TTLL10: variants seen among roughly 807,000 people sequenced by gnomAD.
TTLL10 encodes the protein inactive polyglycylase TTLL10.
In TTLL10, 61 loss-of-function variants were observed where a neutral mutation model predicts 69.0. The observed-to-expected ratio is 0.88, with a 90% CI of 0.72 to 1.09. The LOEUF is 1.09. TTLL10 is among the 50% of genes least tolerant of loss of function. The pLI is 0.00. For synonymous variants in TTLL10, 408 were observed against 393.3 expected (o/e 1.04, Z -0.44); for missense variants, 962 against 945.9 (o/e 1.02, Z -0.22).
intron 14 of TTLL10, 103 bp from the exon 15 acceptor site, chr1:1,196,990 A>G (rs1648257510): frequency 1.8e-6 from 2 of 1,125,414 alleles, no homozygotes; most frequent in South Asian, 1.4e-5. Flanking sequence ...ATAGGAAGGA[A>G]GCAATCTCCC....
chr1:1,193,620 C>T (rs959450734), intron 13 of TTLL10, among the ~76,000 whole-genome samples: 1 of 151,810 alleles, frequency 6.6e-6, no homozygotes, highest in African/African-American at 2.4e-5. Context: ...CATGCCACCA[C>T]ACCCGGCTAA....
At chr1:1,177,473 G>A (rs559483897) in intron 3 of TTLL10, among the ~76,000 whole-genome samples, 10 of 152,278 alleles carry the variant, frequency 6.6e-5, no homozygotes, top group African/African-American at 1.2e-4. Context: ...CACCATGCCC[G>A]GCTAATTTTT....
chr1:1,176,302 C>T, intron 3 of TTLL10: 1 of 443,856 alleles, frequency 2.3e-6, no homozygotes, highest in Non-Finnish European at 4.5e-6. Context: ...CTGCTCCCAG[C>T]CGCTGTGCAG....
rs1261159916 is a variant in TTLL10 at position 1,192,732 on chromosome 1, G to A, written c.1402-3868G>A. The stretch of plus-strand genomic sequence containing the variant: ...AGACACTCCAGTTGATATCAGTGTA[G>A]ACACTCCAGTTGGTATGAGTGTAGA... On this transcript the variant is annotated intron_variant, in intron 13 of 15. Coordinates refer to ENST00000379289, the MANE Select transcript of TTLL10 (RefSeq NM_001130045.2). Among the ~76,000 whole-genome samples, 432 of 131,912 alleles carry A rather than the reference G, an allele frequency of 3.3e-3. 6 individuals are homozygous for A. Among genetic ancestry groups the A allele is most frequent in the East Asian group, 7.1e-3 (32 of 4,518 alleles). The allele number at this position is 131,912 out of a possible 152,430, so 86.5% of individuals were successfully genotyped here. A position where few individuals can be genotyped will look rare whatever the true frequency, so the allele number is the denominator to read the frequency against.
chr1:1,180,625 C>T lies in TTLL10; in HGVS notation c.625+24C>T, dbSNP rs112517367. 3.8e-3 allele frequency: 5,975 copies of T among 1,552,042 alleles called. 175 individuals are homozygous for T. The African/African-American group carries it at 0.071, about 19-fold the overall frequency. On this transcript the variant is annotated intron_variant, in intron 7 of 15. Transcript: ENST00000379289. ...AGGTAGCGGGAGCCGGCACCAGAGGCGGGCAGCCTGCAGGGGCCTCCTGGG... is the reference window on the plus strand; with the variant it reads ...AGGTAGCGGGAGCCGGCACCAGAGGTGGGCAGCCTGCAGGGGCCTCCTGGG...
intron 13 of TTLL10, among the ~76,000 whole-genome samples, chr1:1,191,933 C>T (rs987718179): frequency 2.6e-5 from 4 of 152,274 alleles, no homozygotes; most frequent in African/African-American, 7.2e-5. Context: ...CGCCTTTCAG[C>T]GGTTTTCCGC....
Position 1,185,897 on chromosome 1 carries a change from A to T in TTLL10, c.1401+788A>T. On this transcript the variant is annotated intron_variant, in intron 13 of 15. Coordinates refer to ENST00000379289, the MANE Select transcript of TTLL10 (RefSeq NM_001130045.2). The surrounding 1 kb of genome is among the most constrained non-coding windows in gnomAD (Gnocchi z 6.1). ...GTTCAGTGGCTTTTAGTATTTCAAAAGTTGTGCAATTATCACCACCAATTC... is the reference window on the plus strand; with the variant it reads ...GTTCAGTGGCTTTTAGTATTTCAAATGTTGTGCAATTATCACCACCAATTC... 1.1e-6 allele frequency: 1 copy of T among 936,534 alleles called. No individual in the cohort carries two copies. Among genetic ancestry groups the T allele is most frequent in the Non-Finnish European group, 1.3e-6 (1 of 785,244 alleles). 58.0% of individuals were successfully genotyped at this position (936,534 alleles called of 1,614,324 possible).
intron 13 of TTLL10, among the ~76,000 whole-genome samples, chr1:1,186,455 C>CTG (rs57346441): frequency 0.27 from 41,340 of 151,986 alleles, 6,654 homozygotes; most frequent in East Asian, 0.73. Flanking sequence ...CTGGTGGACA[C>CTG]AGTTTTATTA....
intron 3 of TTLL10, 120 bp from the exon 4 acceptor site, chr1:1,179,069 G>T: frequency 1.5e-6 from 1 of 651,198 alleles, no homozygotes; most frequent in Non-Finnish European, 2.6e-6. Context: ...TCAAGCCCAC[G>T]GCCCTGGGAG....
Position 1,180,723 on chromosome 1 carries a change from AC to A in TTLL10, c.626-6del, listed in dbSNP as rs753118731. 14 of 1,602,228 alleles carry A rather than the reference AC, an allele frequency of 8.7e-6. No individual in the cohort carries two copies. Among genetic ancestry groups the A allele is most frequent in the Non-Finnish European group, 1.2e-5 (14 of 1,175,134 alleles). Reference sequence around the variant, plus strand: ...CCCTCCACACGAGCCCTGGCCTCTGACCTCCAGGAGAGCAGCTGCTGTACCA... The same window carrying A: ...CCCTCCACACGAGCCCTGGCCTCTGACTCCAGGAGAGCAGCTGCTGTACCA... On this transcript the variant is annotated splice_polypyrimidine_tract_variant and splice_region_variant and intron_variant, in intron 7 of 15. Coordinates refer to ENST00000379289, the MANE Select transcript of TTLL10 (RefSeq NM_001130045.2).
At position 1,185,459 on chromosome 1, in the gene TTLL10, C is replaced by T. The variant is rs1647250441; in HGVS notation, c.1401+350C>T. On this transcript the variant is annotated intron_variant, in intron 13 of 15. Transcript: ENST00000379289. The surrounding 1 kb of genome is among the most constrained non-coding windows in gnomAD (Gnocchi z 6.1). ...TCCTCCACTTGGCAGGCAGGGCCAA[C>T]AGCAGCCCCCGGGCCAGGTGTCCTG... 9.2e-7 allele frequency: 1 copy of T among 1,092,318 alleles called. No individual in the cohort carries two copies. The highest frequency in any genetic ancestry group is 3.4e-5 in the South Asian group (1 of 29,520). 67.7% of individuals were successfully genotyped at this position (1,092,318 alleles called of 1,614,324 possible).
chr1:1,180,778 A>C lies in TTLL10; in HGVS notation c.673A>C (p.Lys225Gln). 1 of 1,608,312 alleles carries C rather than the reference A, an allele frequency of 6.2e-7. No individual in the cohort carries two copies. Among genetic ancestry groups the C allele is most frequent in the Non-Finnish European group, 8.5e-7 (1 of 1,177,862 alleles). ...QLPNNKLLTT[K>Q]IGLLSTLRGR... ...TCCCAACAACAAGCTCCTCACCACCAAGATCGGGCTGCTCAGCACCCTTCG... is the reference window on the plus strand; with the variant it reads ...TCCCAACAACAAGCTCCTCACCACCCAGATCGGGCTGCTCAGCACCCTTCG... Residue 225 changes from lysine (K) to glutamine (Q), a missense_variant, in exon 8 of 16, where the codon AAG (lysine) becomes CAG (glutamine). Physicochemically the swap from Lys to Gln is moderately conservative, Grantham distance 53. Coordinates refer to ENST00000379289, the MANE Select transcript of TTLL10 (RefSeq NM_001130045.2).
In TTLL10 at chr1:1,181,873, T is replaced by G; in HGVS notation, c.830+58T>G. The G allele has an allele frequency of 2.0e-6, 3 of 1,496,938 alleles. No individual in the cohort carries two copies. Among genetic ancestry groups the G allele is most frequent in the Admixed American group, 4.0e-5 (2 of 49,930 alleles). 92.7% of individuals were successfully genotyped at this position (1,496,938 alleles called of 1,614,324 possible). A position where few individuals can be genotyped will look rare whatever the true frequency, so the allele number is the denominator to read the frequency against. On this transcript the variant is annotated intron_variant, in intron 9 of 15. Coordinates refer to ENST00000379289, the MANE Select transcript of TTLL10 (RefSeq NM_001130045.2). This position sits in a 1 kb window ranked among gnomAD's most constrained non-coding sequence, Gnocchi z 4.6. ...GACCGAAGTTCAGACCTAAACCTGG[T>G]GTCGTCTGAAAAGGAGAAAGCGGGG...
rs982296226 is a variant in TTLL10, at chr1:1,174,029, A to C, written c.-131+103A>C. 2.6e-5 allele frequency: 4 copies of C among 152,206 alleles called. No homozygotes were observed. The East Asian group carries it at 5.8e-4, about 22-fold the overall frequency. 9.4% of individuals were successfully genotyped at this position (152,206 alleles called of 1,614,324 possible). A position where few individuals can be genotyped will look rare whatever the true frequency, so the allele number is the denominator to read the frequency against. On this transcript the variant is annotated intron_variant, in intron 1 of 15. Coordinates refer to ENST00000379289, the MANE Select transcript of TTLL10 (RefSeq NM_001130045.2). ...TCGGGAGGCTGCTCAGGAGAGGAGG[A>C]GGCTGGGGAGGGGACTGGACAGGGA...
rs1476440873 is a variant in TTLL10, at chr1:1,180,340, T to G, written c.506T>G (p.Ile169Ser). The G allele has an allele frequency of 1.2e-5, 19 of 1,564,956 alleles. No individual in the cohort carries two copies. Among genetic ancestry groups the G allele is most frequent in the Non-Finnish European group, 1.6e-5 (18 of 1,155,410 alleles). The change falls in exon 6 of 16, where the codon ATC (isoleucine) becomes AGC (serine). Residue 169 changes from isoleucine (I) to serine (S), a missense_variant and splice_region_variant. By Grantham distance (142) the Ile-to-Ser change is moderately radical. Coordinates refer to ENST00000379289, the MANE Select transcript of TTLL10 (RefSeq NM_001130045.2). ...FYIGGSNGATIISSYCKSKGW... is the reference protein window; with the variant it reads ...FYIGGSNGATSISSYCKSKGW... ...ATTGGAGGCAGCAACGGGGCCACAA[T>G]GTGAGTAGCGGCCCTGGGCGCCCGT...
rs1204529116 is a variant in TTLL10 at position 1,185,681 on chromosome 1, T to G, written c.1401+572T>G. 5.1e-6 allele frequency: 5 copies of G among 985,438 alleles called. No homozygotes were observed. Among genetic ancestry groups the G allele is most frequent in the Non-Finnish European group, 3.6e-6 (3 of 830,030 alleles). The allele number at this position is 985,438 out of a possible 1,614,324, so 61.0% of individuals were successfully genotyped here. The stretch of plus-strand genomic sequence containing the variant: ...GGGGCTTGGCCGAAGGACTTTTATC[T>G]GTCTTGGTCACCCCGGCCAGGCCCC... On this transcript the variant is annotated intron_variant, in intron 13 of 15. Transcript: ENST00000379289. The surrounding 1 kb of genome is among the most constrained non-coding windows in gnomAD (Gnocchi z 6.1).
chr1:1,177,607 G>A (rs948473860), intron 3 of TTLL10, among the ~76,000 whole-genome samples: 4 of 152,346 alleles, frequency 2.6e-5, no homozygotes, highest in South Asian at 2.1e-4. Flanking sequence ...CTCCGCGCCC[G>A]GCTGTCCTTG....
At chr1:1,194,660 T>C (rs1415264640) in intron 13 of TTLL10, among the ~76,000 whole-genome samples, 1 of 152,212 alleles carries the variant, frequency 6.6e-6, no homozygotes, top group Non-Finnish European at 1.5e-5. Context: ...CCTCACGACC[T>C]CTAATGAGAA....
At chr1:1,184,193 A>G in intron 12 of TTLL10, 102 bp downstream of exon 12, 2 of 1,512,192 alleles carry the variant, frequency 1.3e-6, no homozygotes, top group Non-Finnish European at 1.8e-6. Flanking sequence ...CTACAGAAGG[A>G]GGTGGCCCAG....
Sources: gnomAD v4.1 joint callset for allele counts (sites outside exome capture counted in the v4.1 genomes callset) on GRCh38, gnomAD v4.1.1 for gene constraint, Gnocchi (gnomAD v3.1) non-coding constraint, MANE v1.5 for transcripts, NCBI Gene and HGNC (gene_info 2026-07-23, HGNC 2026-07-21) for gene names.